The following FHIT variants were observed in gnomAD, a reference collection of about 807,000 sequenced individuals.
FHIT encodes the protein fragile histidine triad diadenosine triphosphatase.
In FHIT, 19 loss-of-function variants were observed where a neutral mutation model predicts 17.9. The ratio of observed to expected loss-of-function variants is 1.06; its 90% CI spans 0.74 to 1.56. FHIT has a LOEUF of 1.56. FHIT is among the 40% of genes most tolerant of loss of function. FHIT has a pLI of 0.00. For synonymous variants in FHIT, 81 were observed against 69.7 expected (o/e 1.16, Z -0.81); for missense variants, 248 against 189.2 (o/e 1.31, Z -1.82).
chr3:60,105,014 A>C (rs2107154963), intron 5 of FHIT, among the ~76,000 whole-genome samples: 1 of 152,322 alleles, frequency 6.6e-6, no homozygotes, highest in South Asian at 2.1e-4. Context: ...TCAATTAAGC[A>C]TAATTTGTGT....
chr3:60,526,880 G>A (rs933440408), intron 5 of FHIT, among the ~76,000 whole-genome samples: 1 of 151,956 alleles, frequency 6.6e-6, no homozygotes, highest in African/African-American at 2.4e-5. Flanking sequence ...TTTTGAGGCA[G>A]TGGGAGTAAT....
chr3:61,144,230 C>T (rs1177437981), intron 2 of FHIT, among the ~76,000 whole-genome samples: 1 of 152,160 alleles, frequency 6.6e-6, no homozygotes, highest in African/African-American at 2.4e-5. Context: ...CCTATTAATC[C>T]ACTAATCTAC....
At chr3:60,695,575 T>A (rs932006266) in intron 4 of FHIT, among the ~76,000 whole-genome samples, 1 of 152,178 alleles carries the variant, frequency 6.6e-6, no homozygotes, top group African/African-American at 2.4e-5. Flanking sequence ...AACTGGGGGA[T>A]AATACTGTTA....
chr3:60,831,004 C>T (rs1476439290), intron 3 of FHIT, among the ~76,000 whole-genome samples: 1 of 152,160 alleles, frequency 6.6e-6, no homozygotes, highest in Non-Finnish European at 1.5e-5. Context: ...ATGACAGATT[C>T]TCTGACAGAT....
intron 4 of FHIT, among the ~76,000 whole-genome samples, chr3:60,738,371 G>T (rs956171702): frequency 2.0e-5 from 3 of 152,132 alleles, no homozygotes. Flanking sequence ...GCCCCAAAAT[G>T]GTCCCTGCCT....
In FHIT at chr3:59,942,873, T is replaced by C. The variant is rs141497666; in HGVS notation, c.280-20459A>G. Reference sequence around the variant, plus strand: ...TATGTTGTCCAGGCTGCTCTCAAACTCCTGGGCTCAAGCAATCCTCCCACC... The same window carrying C: ...TATGTTGTCCAGGCTGCTCTCAAACCCCTGGGCTCAAGCAATCCTCCCACC... On this transcript the variant is annotated intron_variant, in intron 7 of 9. Transcript: ENST00000492590. 3.2e-4 allele frequency among the ~76,000 whole-genome samples: 48 copies of C among 152,126 alleles called. No homozygotes were observed. In the East Asian group the frequency reaches 9.3e-3, roughly 30 times the overall value.
intron 5 of FHIT, among the ~76,000 whole-genome samples, chr3:60,317,740 G>C (rs1709229233): frequency 6.7e-6 from 1 of 148,956 alleles, no homozygotes; most frequent in Non-Finnish European, 1.5e-5. Flanking sequence ...CAGAACTCTA[G>C]TACTGGGAAG....
At chr3:61,038,310 A>G (rs2033351700) in intron 3 of FHIT, among the ~76,000 whole-genome samples, 1 of 152,214 alleles carries the variant, frequency 6.6e-6, no homozygotes. Flanking sequence ...AGCATCCCTT[A>G]AGAAAAAATA....
chr3:60,608,938 T>A (rs1305087777), intron 4 of FHIT, among the ~76,000 whole-genome samples: 3 of 151,766 alleles, frequency 2.0e-5, no homozygotes, highest in African/African-American at 7.3e-5. Context: ...GAGTTTCCCT[T>A]AAAAACAAAT....
chr3:60,625,604 G>C (rs1485061666), intron 4 of FHIT, among the ~76,000 whole-genome samples: 1 of 151,548 alleles, frequency 6.6e-6, no homozygotes, highest in African/African-American at 2.4e-5. Flanking sequence ...TTTTTAAATT[G>C]GGTTTATACA....
At chr3:60,521,349 G>A (rs1484927506) in intron 5 of FHIT, among the ~76,000 whole-genome samples, 4 of 152,070 alleles carry the variant, frequency 2.6e-5, no homozygotes, top group East Asian at 3.9e-4. Flanking sequence ...CCAGATTCAC[G>A]CCATTCTCCT....
intron 5 of FHIT, among the ~76,000 whole-genome samples, chr3:60,178,623 T>C (rs1216610885): frequency 2.6e-5 from 4 of 152,068 alleles, no homozygotes; most frequent in Admixed American, 2.0e-4. Flanking sequence ...AGCACAGATA[T>C]GTCAAGTCAG....
intron 8 of FHIT, among the ~76,000 whole-genome samples, chr3:59,921,400 T>G (rs947783979): frequency 6.6e-6 from 1 of 152,330 alleles, no homozygotes; most frequent in Non-Finnish European, 1.5e-5. Context: ...ACAATCGAGA[T>G]AAACAATGTG....
intron 5 of FHIT, among the ~76,000 whole-genome samples, chr3:60,237,554 G>A (rs1460908322): frequency 6.6e-6 from 1 of 152,120 alleles, no homozygotes; most frequent in Non-Finnish European, 1.5e-5. Context: ...AGAATCCTGT[G>A]AAATAGAAAC....
intron 8 of FHIT, among the ~76,000 whole-genome samples, chr3:59,850,724 G>C (rs2106789662): frequency 6.6e-6 from 1 of 152,282 alleles, no homozygotes; most frequent in African/African-American, 2.4e-5. Context: ...TGGGAACAAT[G>C]ACTGAAGGAC....
intron 5 of FHIT, among the ~76,000 whole-genome samples, chr3:60,474,188 C>T (rs1043320012): frequency 6.6e-6 from 1 of 152,166 alleles, no homozygotes; most frequent in Admixed American, 6.5e-5. Flanking sequence ...ACCCTGACTG[C>T]ACCAGCACCA....
chr3:60,296,921 C>T (rs1377505839), intron 5 of FHIT, among the ~76,000 whole-genome samples: 1 of 115,268 alleles, frequency 8.7e-6, no homozygotes. Flanking sequence ...TTTATTTTTG[C>T]AAAAAAAAAA....
At chr3:61,083,758 T>A (rs1025896616) in intron 2 of FHIT, among the ~76,000 whole-genome samples, 6 of 152,240 alleles carry the variant, frequency 3.9e-5, no homozygotes, top group Non-Finnish European at 7.3e-5. Flanking sequence ...GTGTTTTTTT[T>A]ATTTTGTTTT....
At chr3:60,852,146 C>A (rs2106917153) in intron 3 of FHIT, among the ~76,000 whole-genome samples, 1 of 152,204 alleles carries the variant, frequency 6.6e-6, no homozygotes, top group East Asian at 1.9e-4. Flanking sequence ...AAAAGCTGAC[C>A]CTCATGCAAG....
Sources: gnomAD v4.1 joint callset for allele counts (sites outside exome capture counted in the v4.1 genomes callset) on GRCh38, gnomAD v4.1.1 for gene constraint, MANE v1.5 for transcripts, NCBI Gene and HGNC (gene_info 2026-07-23, HGNC 2026-07-21) for gene names.